Variants in CYP19A1 observed in about 807,000 individuals in gnomAD.
CYP19A1 encodes the protein aromatase.
In CYP19A1, 32 loss-of-function variants were observed where a neutral mutation model predicts 44.4. The ratio of observed to expected loss-of-function variants is 0.72; its 90% CI spans 0.54 to 0.97. The LOEUF (loss-of-function observed/expected upper bound fraction) is 0.97, where lower values mean the gene tolerates loss of function less well. CYP19A1 is among the 50% of genes least tolerant of loss of function. The pLI, the probability that CYP19A1 is intolerant of heterozygous loss-of-function variation, is 0.00. For synonymous variants in CYP19A1, 212 were observed against 215.6 expected (o/e 0.98, Z 0.14); for missense variants, 598 against 637.8 (o/e 0.94, Z 0.67).
At chr15:51,214,316 G>A (rs887100148) in intron 8 of CYP19A1, among the ~76,000 whole-genome samples, 3 of 152,204 alleles carry the variant, frequency 2.0e-5, no homozygotes, top group African/African-American at 7.2e-5. Flanking sequence ...GTAGAAGAGT[G>A]GAGCAGGATG....
At position 51,264,913 on chromosome 15, in the gene CYP19A1, C is replaced by T. The variant is rs535386183; in HGVS notation, c.-38-21963G>A. 3.7e-4 allele frequency among the ~76,000 whole-genome samples: 56 copies of T among 152,324 alleles called. 1 individual carries two copies. The South Asian group carries it at 0.011, about 29-fold the overall frequency. On this transcript the variant is annotated intron_variant, in intron 1 of 9. Transcript: ENST00000396402. ...CATGGTTTCTGACACTCTGAAGGTTCTTCAATGTATGTCACTTCAAAGTGC... is the reference window on the plus strand; with the variant it reads ...CATGGTTTCTGACACTCTGAAGGTTTTTCAATGTATGTCACTTCAAAGTGC...
chr15:51,309,044 G>A (rs1349524941), intron 1 of CYP19A1, among the ~76,000 whole-genome samples: 2 of 152,208 alleles, frequency 1.3e-5, no homozygotes, highest in South Asian at 2.1e-4. Context: ...TGGGCTGGGG[G>A]AGTGTTATGG....
intron 1 of CYP19A1, chr15:51,277,958 T>TTTG (rs1023707377): frequency 2.7e-5 from 4 of 147,178 alleles, no homozygotes; most frequent in African/African-American, 1.0e-4. Context: ...GCATGAGTTT[T>TTTG]TTTTTTTTTT....
chr15:51,267,824 C>T (rs1465425762), intron 1 of CYP19A1, among the ~76,000 whole-genome samples: 1 of 152,258 alleles, frequency 6.6e-6, no homozygotes. Context: ...GCCCTGCCGG[C>T]TCCCCATGCC....
At chr15:51,325,864 A>T (rs1053966325) in intron 1 of CYP19A1, among the ~76,000 whole-genome samples, 1 of 131,196 alleles carries the variant, frequency 7.6e-6, no homozygotes, top group Non-Finnish European at 1.6e-5. Flanking sequence ...AAAAAAAAAA[A>T]GGGCATTGAG....
At chr15:51,315,160 G>C (rs2445760) in intron 1 of CYP19A1, among the ~76,000 whole-genome samples, 1 of 151,994 alleles carries the variant, frequency 6.6e-6, no homozygotes, top group African/African-American at 2.4e-5. Context: ...TCACTTACGG[G>C]CCCCTGCCTA....
intron 1 of CYP19A1, among the ~76,000 whole-genome samples, chr15:51,264,583 T>C (rs1216366808): frequency 6.6e-6 from 1 of 152,118 alleles, no homozygotes; most frequent in Non-Finnish European, 1.5e-5. Context: ...GAATTTATTA[T>C]TGAAAACGCA....
At chr15:51,236,134 T>C (rs2033378322) in intron 3 of CYP19A1, among the ~76,000 whole-genome samples, 2 of 152,226 alleles carry the variant, frequency 1.3e-5, no homozygotes, top group African/African-American at 2.4e-5. Flanking sequence ...TTTAAATGGG[T>C]AATATTGTTC....
At chr15:51,275,405 A>T (rs145794727) in intron 1 of CYP19A1, among the ~76,000 whole-genome samples, 12 of 152,342 alleles carry the variant, frequency 7.9e-5, no homozygotes, top group African/African-American at 2.4e-4. Flanking sequence ...TGCTTTACTA[A>T]GACCAGAGGG....
At chr15:51,285,909 T>A (rs955295347) in intron 1 of CYP19A1, among the ~76,000 whole-genome samples, 1 of 152,182 alleles carries the variant, frequency 6.6e-6, no homozygotes, top group Non-Finnish European at 1.5e-5. Flanking sequence ...TGGTGTTGGA[T>A]CTGATCACCC....
At chr15:51,330,128 C>T (rs1312863092) in intron 1 of CYP19A1, among the ~76,000 whole-genome samples, 1 of 152,058 alleles carries the variant, frequency 6.6e-6, no homozygotes, top group East Asian at 1.9e-4. Context: ...GAAGAAGGAA[C>T]GTGAGGCACA....
intron 3 of CYP19A1, among the ~76,000 whole-genome samples, chr15:51,231,832 G>A (rs369878419): frequency 5.5e-4 from 84 of 152,068 alleles, no homozygotes; most frequent in African/African-American, 2.0e-3. Flanking sequence ...GAAAGTGGAA[G>A]CAACTACAAG....
chr15:51,236,110 G>T (rs1486064629), intron 3 of CYP19A1, among the ~76,000 whole-genome samples: 1 of 152,186 alleles, frequency 6.6e-6, no homozygotes, highest in African/African-American at 2.4e-5. Flanking sequence ...TGCAGAGAGG[G>T]AGGACACTAT....
At chr15:51,260,477 C>T (rs1452177721) in intron 1 of CYP19A1, among the ~76,000 whole-genome samples, 4 of 152,296 alleles carry the variant, frequency 2.6e-5, no homozygotes, top group South Asian at 2.1e-4. Flanking sequence ...CCAGCTGAGA[C>T]GGACTGAGAT....
chr15:51,336,559 T>A (rs1339174935), intron 1 of CYP19A1, among the ~76,000 whole-genome samples: 1 of 152,166 alleles, frequency 6.6e-6, no homozygotes, highest in Non-Finnish European at 1.5e-5. Flanking sequence ...ACAGTGTAGC[T>A]GTCAATCTCA....
rs1214788636 is a variant in CYP19A1, at chr15:51,338,500, G to A, written c.-44C>T. ...TCAGATTAAGAGATACATACGCGAC[G>A]TCTGGAAGATCCCGAGCACAGGACC... On this transcript the variant is annotated 5_prime_UTR_variant, in exon 1 of 10. It adds an upstream start codon to the 5' untranslated region. Coordinates refer to ENST00000396402, the MANE Select transcript of CYP19A1 (RefSeq NM_000103.4). 1 of 152,178 alleles carries A rather than the reference G, an allele frequency of 6.6e-6. No individual in the cohort carries two copies. The highest frequency in any genetic ancestry group is 2.4e-5 in the African/African-American group (1 of 41,436). 9.4% of individuals were successfully genotyped at this position (152,178 alleles called of 1,614,324 possible).
At chr15:51,317,683 G>A (rs991831373) in intron 1 of CYP19A1, among the ~76,000 whole-genome samples, 3 of 152,210 alleles carry the variant, frequency 2.0e-5, no homozygotes, top group African/African-American at 7.2e-5. Context: ...GGACTCATGG[G>A]AGCTGTGGTG....
intron 1 of CYP19A1, among the ~76,000 whole-genome samples, chr15:51,301,667 C>A (rs1184244772): frequency 6.6e-6 from 1 of 152,078 alleles, no homozygotes; most frequent in Non-Finnish European, 1.5e-5. Context: ...ATTGACTAGA[C>A]CTGATTTGTC....
rs981532573 is a variant in CYP19A1, at chr15:51,246,782, G to A, written c.-38-3832C>T. Among the ~76,000 whole-genome samples, 9 of 152,266 alleles carry A rather than the reference G, an allele frequency of 5.9e-5. No individual in the cohort carries two copies. In the South Asian group the frequency reaches 6.2e-4, roughly 11 times the overall value. On this transcript the variant is annotated intron_variant, in intron 1 of 9. Coordinates refer to ENST00000396402, the MANE Select transcript of CYP19A1 (RefSeq NM_000103.4). Reference sequence around the variant, plus strand: ...CCAGACCCTGCTAAATCCTTTTAGCGTGGGGGCTACTGGCCCAGCAGGGAA... The same window carrying A: ...CCAGACCCTGCTAAATCCTTTTAGCATGGGGGCTACTGGCCCAGCAGGGAA...
Sources: gnomAD v4.1 joint callset for allele counts (sites outside exome capture counted in the v4.1 genomes callset) on GRCh38, gnomAD v4.1.1 for gene constraint, MANE v1.5 for transcripts, NCBI Gene and HGNC (gene_info 2026-07-23, HGNC 2026-07-21) for gene names.